The following ZFAT variants were observed in gnomAD, a reference collection of about 807,000 sequenced individuals.
ZFAT encodes the protein zinc finger and AT-hook domain containing.
In ZFAT, 64 loss-of-function variants were observed where a neutral mutation model predicts 117.7. That is an observed-to-expected ratio of 0.54 (90% CI 0.44 to 0.67). The LOEUF (loss-of-function observed/expected upper bound fraction) is 0.67. Among genes scored for constraint, ZFAT ranks in the 30% least tolerant of loss-of-function variants. The probability of loss-of-function intolerance (pLI) is 0.00; values close to 1 mark genes in which losing one functional copy is unlikely to be tolerated. For missense variants in ZFAT, 1,433 were observed against 1,584.5 expected (o/e 0.90, Z 1.62); for synonymous variants, 679 against 615.0 (o/e 1.10, Z -1.54).
chr8:134,736,029 C>T, the ZFAT span, among the ~76,000 whole-genome samples: 1 of 152,240 alleles, frequency 6.6e-6, no homozygotes, highest in African/African-American at 2.4e-5. Context: ...AGCCACCTGT[C>T]CTGGAGGGAA....
chr8:134,530,784 A>T (rs371101241), intron 12 of ZFAT, among the ~76,000 whole-genome samples: 8 of 100,664 alleles, frequency 7.9e-5, no homozygotes, highest in African/African-American at 2.7e-4. Context: ...AAATAAAAAA[A>T]TAATACAAAT....
chr8:134,776,487 A>G, the ZFAT span, among the ~76,000 whole-genome samples: 1 of 151,980 alleles, frequency 6.6e-6, no homozygotes, highest in Non-Finnish European at 1.5e-5. Flanking sequence ...ATTTTTTTGT[A>G]GAGACAGGGT....
chr8:134,559,258 T>C (rs957354160), intron 11 of ZFAT, among the ~76,000 whole-genome samples: 6 of 152,234 alleles, frequency 3.9e-5, no homozygotes, highest in Non-Finnish European at 7.3e-5. Flanking sequence ...TTTGTTTATT[T>C]TGCATGTATT....
intron 3 of ZFAT, among the ~76,000 whole-genome samples, 157 bp from the exon 4 acceptor site, chr8:134,610,812 T>C (rs773933828): frequency 4.6e-5 from 7 of 152,144 alleles, no homozygotes; most frequent in South Asian, 2.1e-4. Context: ...CCACGGTGGC[T>C]CTTCACTGCT....
At chr8:134,721,503 C>T in the ZFAT span, among the ~76,000 whole-genome samples, 126 of 152,282 alleles carry the variant, frequency 8.3e-4, no homozygotes, top group Non-Finnish European at 1.4e-3. Flanking sequence ...GTTTATAGTG[C>T]ACATACATGA....
chr8:134,508,160 C>T (rs1819550074), intron 15 of ZFAT, among the ~76,000 whole-genome samples: 1 of 152,198 alleles, frequency 6.6e-6, no homozygotes. Flanking sequence ...TCTAGATATG[C>T]TAAGTCTTGT....
At chr8:134,533,921 T>C (rs1821623203) in intron 11 of ZFAT, among the ~76,000 whole-genome samples, 1 of 152,200 alleles carries the variant, frequency 6.6e-6, no homozygotes, top group African/African-American at 2.4e-5. Context: ...AGCATGCCCC[T>C]GTAATCCACA....
rs752795243 is a variant in ZFAT at position 134,608,799 on chromosome 8, C to T, written c.715G>A (p.Val239Met). The change falls in exon 5 of 16, where the codon GTG becomes ATG. Residue 239 changes from valine to methionine, a missense_variant. Val to Met is a conservative substitution (Grantham distance 21, BLOSUM62 1). Transcript: ENST00000377838. ...TATTCCTGGTAGCCTCTCCGAGGCACCAGGTCTGCTGAAGTGGTCTCAGAA... is the reference window on the plus strand; with the variant it reads ...TATTCCTGGTAGCCTCTCCGAGGCATCAGGTCTGCTGAAGTGGTCTCAGAA... The part of the protein sequence containing the change: ...TNSETTSADL[V>M]PRRGYQEYAI... 1.9e-6 allele frequency: 3 copies of T among 1,611,126 alleles called. No individual in the cohort carries two copies. The highest frequency in any genetic ancestry group is 2.2e-5 in the East Asian group (1 of 44,682).
the ZFAT span, among the ~76,000 whole-genome samples, chr8:134,783,408 C>T: frequency 7.2e-5 from 11 of 152,126 alleles, no homozygotes; most frequent in Non-Finnish European, 1.6e-4. Context: ...CTAGGTTGCA[C>T]ACTCCTTATG....
rs188770907 is a variant in ZFAT, at chr8:134,483,748, C to T, written c.3493-5027G>A. Among the ~76,000 whole-genome samples, 14 of 152,326 alleles carry T rather than the reference C, an allele frequency of 9.2e-5. No individual in the cohort carries two copies. The East Asian group carries it at 1.9e-3, about 21-fold the overall frequency. ...GAATCAGGCACCGTGTTCTGCTGTT[C>T]CGCTGTCTCCAGTGTTCTGGAGTCT... On this transcript the variant is annotated intron_variant, in intron 15 of 15. Coordinates refer to ENST00000377838, the MANE Select transcript of ZFAT (RefSeq NM_020863.4).
rs897706830 is a variant in ZFAT, at chr8:134,648,936, G to A, written c.196+8625C>T. 2.6e-5 allele frequency among the ~76,000 whole-genome samples: 4 copies of A among 151,884 alleles called. No homozygotes were observed. The South Asian group carries it at 8.3e-4, about 32-fold the overall frequency. ...AAAGGATTATGCAACATGACCAAAT[G>A]AGATCTATCCAAAAGTTACAAGGGT... On this transcript the variant is annotated intron_variant, in intron 2 of 15. Coordinates refer to ENST00000377838, the MANE Select transcript of ZFAT (RefSeq NM_020863.4).
rs955577957 is a variant in ZFAT at position 134,661,320 on chromosome 8, A to ACAGT, written c.20-3587_20-3584dup. On this transcript the variant is annotated intron_variant, in intron 1 of 15. Transcript: ENST00000377838. ...GCCCACAGGGACAGAGATCCCCAGCACAGTCACTGGGCAGGCACTGGCAGC... is the reference window on the plus strand; with the variant it reads ...GCCCACAGGGACAGAGATCCCCAGCACAGTCAGTCACTGGGCAGGCACTGGCAGC... Among the ~76,000 whole-genome samples, 9 of 152,226 alleles carry ACAGT rather than the reference A, an allele frequency of 5.9e-5. No individual in the cohort carries two copies. The East Asian group carries it at 7.7e-4, about 13-fold the overall frequency.
intron 13 of ZFAT, among the ~76,000 whole-genome samples, chr8:134,515,039 ATGAG>A (rs530577394): frequency 9.4e-4 from 143 of 152,066 alleles, no homozygotes; most frequent in Non-Finnish European, 1.5e-3. Context: ...ACTCCCATTT[ATGAG>A]TGAGAACATG....
At position 134,588,366 on chromosome 8, in the gene ZFAT, G is replaced by T. The variant is rs1467165695; in HGVS notation, c.2593C>A (p.Leu865Ile). 1.3e-6 allele frequency: 2 copies of T among 1,593,198 alleles called. No individual in the cohort carries two copies. The highest frequency in any genetic ancestry group is 1.7e-6 in the Non-Finnish European group (2 of 1,169,474). The change falls in exon 9 of 16, where the codon CTC (leucine) becomes ATC (isoleucine). Residue 865 changes from leucine (L) to isoleucine (I), a missense_variant. Transcript: ENST00000377838. ...CCTTTCAGCTGAACCCTCCTCCCGAGAACCTCAGAAATGGTGCTCATGGAG... is the reference window on the plus strand; with the variant it reads ...CCTTTCAGCTGAACCCTCCTCCCGATAACCTCAGAAATGGTGCTCATGGAG... ...EVSMSTISEV[L>I]GRRVQLKGLI...
intron 10 of ZFAT, among the ~76,000 whole-genome samples, chr8:134,582,981 C>T (rs182356328): frequency 1.1e-4 from 16 of 152,328 alleles, no homozygotes; most frequent in Non-Finnish European, 2.2e-4. Context: ...GTCCCTCACA[C>T]AACCTGTCTA....
chr8:134,829,399 A>G, the ZFAT span, among the ~76,000 whole-genome samples: 1 of 152,202 alleles, frequency 6.6e-6, no homozygotes, highest in African/African-American at 2.4e-5. Context: ...ATCAGATGAC[A>G]ATTTTCCCAC....
At position 134,564,650 on chromosome 8, in the gene ZFAT, TCCATGTGTG is replaced by T. The variant is rs529216257; in HGVS notation, c.2976+674_2976+682del. Among the ~76,000 whole-genome samples, 34 of 152,350 alleles carry T rather than the reference TCCATGTGTG, an allele frequency of 2.2e-4. No homozygotes were observed. The South Asian group carries it at 4.8e-3, about 21-fold the overall frequency. On this transcript the variant is annotated intron_variant, in intron 11 of 15. Transcript: ENST00000377838. Reference sequence around the variant, plus strand: ...AGTTTACAAATCTTGATGATTCCTTTCCATGTGTGCCATGTGTGCCATGTTGCTGTGCCA... The same window carrying T: ...AGTTTACAAATCTTGATGATTCCTTTCCATGTGTGCCATGTTGCTGTGCCA...
At chr8:134,822,290 T>A in the ZFAT span, among the ~76,000 whole-genome samples, 1 of 152,126 alleles carries the variant, frequency 6.6e-6, no homozygotes, top group Admixed American at 6.5e-5. Flanking sequence ...CATTGAAAAA[T>A]GATCCCTTGC....
chr8:134,774,147 C>A, the ZFAT span, among the ~76,000 whole-genome samples: 2 of 151,874 alleles, frequency 1.3e-5, no homozygotes, highest in East Asian at 3.9e-4. Flanking sequence ...AGGCACACAC[C>A]ACCACGCTCG....
Sources: gnomAD v4.1 joint callset for allele counts (sites outside exome capture counted in the v4.1 genomes callset) on GRCh38, gnomAD v4.1.1 for gene constraint, MANE v1.5 for transcripts, NCBI Gene and HGNC (gene_info 2026-07-23, HGNC 2026-07-21) for gene names.